The following VAV3 variants were observed in gnomAD, a reference collection of about 807,000 sequenced individuals.
The protein encoded by VAV3 is guanine nucleotide exchange factor VAV3.
VAV3 carries 94 observed loss-of-function variants against 131.2 expected under a neutral mutation model. That is an observed-to-expected ratio of 0.72 (90% CI 0.61 to 0.85). The LOEUF (loss-of-function observed/expected upper bound fraction) is 0.85, where lower values mean the gene tolerates loss of function less well. Ranked by LOEUF, VAV3 falls within the 40% of genes least tolerant of loss-of-function variation. The pLI, the probability that VAV3 is intolerant of heterozygous loss-of-function variation, is 0.00. For missense variants in VAV3, 939 were observed against 1,002.7 expected (o/e 0.94, Z 0.86); for synonymous variants, 349 against 342.0 (o/e 1.02, Z -0.22).
chr1:107,728,022 T>A (rs935131081), intron 15 of VAV3, among the ~76,000 whole-genome samples: 6 of 152,188 alleles, frequency 3.9e-5, no homozygotes, highest in African/African-American at 1.4e-4. Context: ...CATGCTAGTA[T>A]CAAGTATTCA....
intron 2 of VAV3, among the ~76,000 whole-genome samples, chr1:107,786,489 T>C (rs1013348545): frequency 2.0e-5 from 3 of 152,144 alleles, no homozygotes; most frequent in African/African-American, 7.2e-5. Context: ...AAAACATCAC[T>C]TATCAAACAA....
chr1:107,753,519 T>TATACACAC (rs1663891331), intron 12 of VAV3, among the ~76,000 whole-genome samples: 1 of 88,386 alleles, frequency 1.1e-5, no homozygotes, highest in African/African-American at 4.1e-5. Context: ...CACACATATA[T>TATACACAC]ATATATACGT....
intron 2 of VAV3, among the ~76,000 whole-genome samples, chr1:107,846,638 A>C (rs1004246565): frequency 6.6e-6 from 1 of 152,230 alleles, no homozygotes; most frequent in African/African-American, 2.4e-5. Flanking sequence ...GTCTCTGACA[A>C]AACAGACTTT....
intron 2 of VAV3, among the ~76,000 whole-genome samples, chr1:107,791,109 C>G (rs191363076): frequency 4.6e-4 from 70 of 152,222 alleles, no homozygotes; most frequent in African/African-American, 1.6e-3. Flanking sequence ...AAAATGGACA[C>G]CAAAATATAT....
At chr1:107,954,772 G>GGGGGGC (rs766278495) in intron 1 of VAV3, among the ~76,000 whole-genome samples, 8,348 of 149,872 alleles carry the variant, frequency 0.056, 378 homozygotes, top group African/African-American at 0.11. Context: ...CATGGGAGGG[G>GGGGGGC]GGGAAATTCA....
intron 17 of VAV3, among the ~76,000 whole-genome samples, chr1:107,704,127 C>G (rs1467500339): frequency 2.0e-5 from 3 of 152,086 alleles, no homozygotes; most frequent in Admixed American, 1.3e-4. Flanking sequence ...ACTTCTGGAG[C>G]CATTAGCATT....
At chr1:107,778,044 A>G (rs1665464449) in intron 3 of VAV3, among the ~76,000 whole-genome samples, 1 of 152,312 alleles carries the variant, frequency 6.6e-6, no homozygotes, top group African/African-American at 2.4e-5. Flanking sequence ...GTCTAACAAA[A>G]TCACAGTAAG....
chr1:107,882,633 T>C (rs578228915), intron 1 of VAV3, among the ~76,000 whole-genome samples: 87 of 152,250 alleles, frequency 5.7e-4, no homozygotes, highest in African/African-American at 1.9e-3. Flanking sequence ...TCACCATATC[T>C]TCTCTATATC....
At chr1:107,720,295 A>G (rs986980532) in intron 15 of VAV3, among the ~76,000 whole-genome samples, 1 of 151,656 alleles carries the variant, frequency 6.6e-6, no homozygotes, top group African/African-American at 2.4e-5. Context: ...AGGTGAAAGG[A>G]TCACTTGAGC....
intron 4 of VAV3, among the ~76,000 whole-genome samples, chr1:107,773,568 G>C (rs1293887905): frequency 2.0e-5 from 3 of 152,128 alleles, no homozygotes; most frequent in Admixed American, 6.5e-5. Context: ...AAAGACAGAT[G>C]AGGAGAGGAA....
intron 1 of VAV3, among the ~76,000 whole-genome samples, chr1:107,909,631 G>A (rs1177739647): frequency 6.6e-6 from 1 of 152,122 alleles, no homozygotes; most frequent in Non-Finnish European, 1.5e-5. Flanking sequence ...AACTTATGGT[G>A]TAATCTTATT....
intron 1 of VAV3, among the ~76,000 whole-genome samples, chr1:107,894,124 T>A (rs1470749277): frequency 6.6e-6 from 1 of 152,236 alleles, no homozygotes; most frequent in East Asian, 1.9e-4. Flanking sequence ...AGTTAAATTA[T>A]TTCCTATAGT....
At chr1:107,664,602 CCTG>C (rs1296077871) in intron 19 of VAV3, among the ~76,000 whole-genome samples, 21 of 152,192 alleles carry the variant, frequency 1.4e-4, no homozygotes, top group African/African-American at 4.8e-4. Context: ...TTCCTGATCA[CCTG>C]CTATGTTCCA....
At chr1:107,582,860 A>C (rs1049614300) in intron 25 of VAV3, among the ~76,000 whole-genome samples, 33 of 152,038 alleles carry the variant, frequency 2.2e-4, no homozygotes, top group Admixed American at 3.9e-4. Flanking sequence ...GTGAATAGTG[A>C]TGCAATAAAC....
At chr1:107,661,029 T>C (rs988096950) in intron 19 of VAV3, among the ~76,000 whole-genome samples, 1 of 151,784 alleles carries the variant, frequency 6.6e-6, no homozygotes, top group African/African-American at 2.4e-5. Flanking sequence ...CACACACACA[T>C]AAAGAAGTAC....
intron 1 of VAV3, 170 bp downstream of exon 1, chr1:107,964,496 C>A: frequency 1.5e-6 from 1 of 667,816 alleles, no homozygotes; most frequent in Non-Finnish European, 2.4e-6. Context: ...TAAACCATTT[C>A]AAGCCAAGGT....
rs1463670301 is a variant in VAV3, at chr1:107,761,359, C to G, written c.922-480G>C. On this transcript the variant is annotated intron_variant, in intron 9 of 26. Transcript: ENST00000370056. ...AGTGAGCTGAGATGGTGTCACTGCA[C>G]TCCAGCCTGGGTGACAGAGTGAGAC... is the stretch of plus-strand genomic sequence containing the variant. Among the ~76,000 whole-genome samples, 4 of 145,216 alleles carry G rather than the reference C, an allele frequency of 2.8e-5. No homozygotes were observed. In the South Asian group the frequency reaches 8.6e-4, roughly 31 times the overall value.
At chr1:107,593,165 A>T (rs1055887439) in intron 25 of VAV3, among the ~76,000 whole-genome samples, 1 of 152,134 alleles carries the variant, frequency 6.6e-6, no homozygotes, top group Admixed American at 6.6e-5. Context: ...CTCCTTGCCC[A>T]ATACTTTGGA....
intron 21 of VAV3, among the ~76,000 whole-genome samples, chr1:107,613,945 T>G (rs1356293827): frequency 1.3e-5 from 2 of 152,174 alleles, no homozygotes; most frequent in African/African-American, 4.8e-5. Flanking sequence ...TAAACTACAC[T>G]TCTAGCTTAG....
Sources: allele counts gnomAD v4.1 joint callset (sites outside exome capture counted in the v4.1 genomes callset), GRCh38; gene constraint gnomAD v4.1.1; transcripts MANE v1.5; gene names NCBI Gene and HGNC (gene_info 2026-07-23, HGNC 2026-07-21).